GPLD1: variants seen among roughly 807,000 people sequenced by gnomAD.
The protein encoded by GPLD1 is phosphatidylinositol-glycan-specific phospholipase D.
A neutral mutation model predicts 112.6 loss-of-function variants in GPLD1; 84 were observed. The ratio of observed to expected loss-of-function variants is 0.75; its 90% CI spans 0.63 to 0.89. The LOEUF (loss-of-function observed/expected upper bound fraction) is 0.89, where lower values mean the gene tolerates loss of function less well. Ranked by LOEUF, GPLD1 falls within the 40% of genes least tolerant of loss-of-function variation. The pLI is 0.00. For synonymous variants in GPLD1, 386 were observed against 403.8 expected (o/e 0.96, Z 0.53); for missense variants, 1,044 against 1,051.5 (o/e 0.99, Z 0.10).
At chr6:24,480,691 A>C (rs867513082) in intron 2 of GPLD1, among the ~76,000 whole-genome samples, 9 of 152,132 alleles carry the variant, frequency 5.9e-5, no homozygotes, top group Admixed American at 2.6e-4. Flanking sequence ...AAATGATGTG[A>C]AAGTAGATGG....
chr6:24,457,524 T>C (rs936357234), intron 12 of GPLD1, among the ~76,000 whole-genome samples: 3 of 152,080 alleles, frequency 2.0e-5, no homozygotes, highest in Non-Finnish European at 4.4e-5. Context: ...AGAACTTTAA[T>C]TGTATTTGTA....
At chr6:24,436,120 G>C (rs971811793) in intron 22 of GPLD1, among the ~76,000 whole-genome samples, 3 of 152,016 alleles carry the variant, frequency 2.0e-5, no homozygotes, top group Admixed American at 1.3e-4. Flanking sequence ...GCCGGGTGTG[G>C]TGGCACATGC....
intron 13 of GPLD1, among the ~76,000 whole-genome samples, chr6:24,456,092 A>G (rs1174546739): frequency 6.6e-6 from 1 of 152,188 alleles, no homozygotes; most frequent in African/African-American, 2.4e-5. Flanking sequence ...GGTGCTAACA[A>G]GCACCATTTA....
chr6:24,475,688 C>CAAAAA (rs35291266), intron 4 of GPLD1, among the ~76,000 whole-genome samples: 1 of 113,316 alleles, frequency 8.8e-6, no homozygotes, highest in African/African-American at 3.5e-5. Context: ...ACTAAAAATA[C>CAAAAA]AAAAAAAAAA....
At chr6:24,456,459 T>C in intron 13 of GPLD1, 39 bp downstream of exon 13, 3 of 1,342,322 alleles carry the variant, frequency 2.2e-6, no homozygotes, top group Non-Finnish European at 3.1e-6. Flanking sequence ...AAATTAATAC[T>C]GAAGAAAACA....
At chr6:24,486,654 T>C (rs1040516018) in intron 1 of GPLD1, among the ~76,000 whole-genome samples, 6 of 151,944 alleles carry the variant, frequency 3.9e-5, no homozygotes, top group African/African-American at 1.5e-4. Context: ...CCGTCTCTAC[T>C]AAAAATACAA....
chr6:24,487,072 A>C (rs1764401211), intron 1 of GPLD1, among the ~76,000 whole-genome samples: 1 of 152,188 alleles, frequency 6.6e-6, no homozygotes, highest in Admixed American at 6.5e-5. Flanking sequence ...GTGATACCTT[A>C]TTTCTGTTGT....
At chr6:24,449,306 C>T (rs765292952) in intron 15 of GPLD1, among the ~76,000 whole-genome samples, 13 of 152,044 alleles carry the variant, frequency 8.6e-5, no homozygotes, top group African/African-American at 2.7e-4. Context: ...ACATGGTGCC[C>T]GGATGCGTGG....
Position 24,466,822 on chromosome 6 carries a change from A to G in GPLD1, c.682-3T>C. 14 of 1,599,558 alleles carry G rather than the reference A, an allele frequency of 8.8e-6. No individual in the cohort carries two copies. The highest frequency in any genetic ancestry group is 1.1e-5 in the South Asian group (1 of 90,582). On this transcript the variant is annotated splice_region_variant and splice_polypyrimidine_tract_variant and intron_variant, in intron 9 of 24. Transcript: ENST00000230036. Reference sequence around the variant, plus strand: ...TTTGTAGAGTAAGTGGGATATAACTATGGCAGAGAGAAAGAAAAAATAAAA... The same window carrying G: ...TTTGTAGAGTAAGTGGGATATAACTGTGGCAGAGAGAAAGAAAAAATAAAA...
chr6:24,431,261 G>A (rs16889253), intron 24 of GPLD1, among the ~76,000 whole-genome samples: 17,562 of 152,158 alleles, frequency 0.12, 1,338 homozygotes, highest in East Asian at 0.16. Context: ...CTGGTCCACA[G>A]GAACCTGGTC....
intron 13 of GPLD1, 84 bp from the exon 14 acceptor site, chr6:24,454,285 C>T: frequency 1.0e-6 from 1 of 952,494 alleles, no homozygotes. Flanking sequence ...TTCTAGAGCC[C>T]AGTCCATTAA....
intron 1 of GPLD1, 122 bp from the exon 2 acceptor site, chr6:24,486,252 T>C (rs1388400883): frequency 7.3e-6 from 5 of 689,622 alleles, no homozygotes. Flanking sequence ...ACGCAGGAAA[T>C]GAAATGAGTT....
At chr6:24,453,726 A>T (rs566519650) in intron 14 of GPLD1, among the ~76,000 whole-genome samples, 1 of 120,564 alleles carries the variant, frequency 8.3e-6, no homozygotes, top group Non-Finnish European at 1.7e-5. Context: ...GTGTGTGTAT[A>T]AAGAGGTTTT....
Position 24,486,741 on chromosome 6 carries a change from C to G in GPLD1, c.98-611G>C, listed in dbSNP as rs547400428. On this transcript the variant is annotated intron_variant, in intron 1 of 24. Transcript: ENST00000230036. ...GCTGAGGCAGGGGAATCACTTGAAC[C>G]CAGGAGGCAGAGGTTGTAGTGAGCC... 7.2e-5 allele frequency among the ~76,000 whole-genome samples: 11 copies of G among 152,146 alleles called. No homozygotes were observed. In the East Asian group the frequency reaches 2.1e-3, roughly 29 times the overall value.
chr6:24,480,426 G>T (rs1258424685), intron 2 of GPLD1, among the ~76,000 whole-genome samples: 1 of 152,060 alleles, frequency 6.6e-6, no homozygotes, highest in Non-Finnish European at 1.5e-5. Context: ...AGGTTCAAGC[G>T]ATTCTCCTGC....
At chr6:24,476,117 G>T in intron 4 of GPLD1, 64 bp downstream of exon 4, 1 of 858,496 alleles carries the variant, frequency 1.2e-6, no homozygotes, top group Non-Finnish European at 1.9e-6. Context: ...GTCAATGCGG[G>T]TGCAAACACA....
At position 24,427,520 on chromosome 6, in the gene GPLD1, A is replaced by G. The variant is rs1245001522; in HGVS notation, c.*1512T>C. On this transcript the variant is annotated 3_prime_UTR_variant, in exon 25 of 25. Coordinates refer to ENST00000230036, the MANE Select transcript of GPLD1 (RefSeq NM_001503.4). ...GGTTTTTATATTTGTCCTTCACTAT[A>G]TAAACATTGAAAAGGTATTAATCCT... Among the ~76,000 whole-genome samples the G allele has an allele frequency of 6.6e-6, 1 of 152,160 alleles. No individual in the cohort carries two copies. Among genetic ancestry groups the G allele is most frequent in the Non-Finnish European group, 1.5e-5 (1 of 68,030 alleles).
At position 24,449,190 on chromosome 6, in the gene GPLD1, TGACA is replaced by T. The variant is rs1441781979; in HGVS notation, c.1446+595_1446+598del. ...GAGACAGCCTGATGAGTTCAGGACG[TGACA>T]GACTGCTGGCATGTCTAGAAATGGA... On this transcript the variant is annotated intron_variant, in intron 15 of 24. Coordinates refer to ENST00000230036, the MANE Select transcript of GPLD1 (RefSeq NM_001503.4). Among the ~76,000 whole-genome samples, 3 of 152,168 alleles carry T rather than the reference TGACA, an allele frequency of 2.0e-5. No homozygotes were observed. The East Asian group carries it at 5.8e-4, about 30-fold the overall frequency.
chr6:24,488,201 A>C (rs1764439851), intron 1 of GPLD1, among the ~76,000 whole-genome samples: 1 of 152,058 alleles, frequency 6.6e-6, no homozygotes, highest in Admixed American at 6.6e-5. Context: ...AGGTCAGGAG[A>C]TCGAGATCAT....
Sources: gnomAD v4.1 joint callset for allele counts (sites outside exome capture counted in the v4.1 genomes callset) on GRCh38, gnomAD v4.1.1 for gene constraint, MANE v1.5 for transcripts, NCBI Gene and HGNC (gene_info 2026-07-23, HGNC 2026-07-21) for gene names.